Variants in RNF213 observed in about 807,000 individuals in gnomAD.
The protein encoded by RNF213 is ring finger protein 213, also known as E3 ubiquitin-protein ligase RNF213.
RNF213 carries 341 observed loss-of-function variants against 514.4 expected under a neutral mutation model. That is an observed-to-expected ratio of 0.66 (90% confidence interval 0.61 to 0.73). The LOEUF (loss-of-function observed/expected upper bound fraction) is 0.73, where lower values mean the gene tolerates loss of function less well. Among genes scored for constraint, RNF213 ranks in the 30% least tolerant of loss-of-function variants. The pLI, the probability that RNF213 is intolerant of heterozygous loss-of-function variation, is 0.00. For synonymous variants in RNF213, 2,655 were observed against 2,658.2 expected (o/e 1.00, Z 0.04); for missense variants, 5,767 against 6,615.6 (o/e 0.87, Z 4.45).
In RNF213 at chr17:80,343,362, G is replaced by A. The variant is rs1436761393; in HGVS notation, c.6183+37G>A. On this transcript the variant is annotated intron_variant, in intron 27 of 67. Transcript: ENST00000582970. The surrounding 1 kb of genome is among the most constrained non-coding windows in gnomAD (Gnocchi z 4.3). ...CCAGCGTCAGCCGATGGCCACATCAGTAAAGACGTGGTCCCCATGTCTCTG... is the reference window on the plus strand; with the variant it reads ...CCAGCGTCAGCCGATGGCCACATCAATAAAGACGTGGTCCCCATGTCTCTG... The A allele has an allele frequency of 1.9e-6, 3 of 1,562,932 alleles. No individual in the cohort carries two copies. The highest frequency in any genetic ancestry group is 1.8e-6 in the Non-Finnish European group (2 of 1,140,716).
Position 80,363,767 on chromosome 17 carries a change from C to T in RNF213, c.11727C>T (p.Ala3909=). The change falls in exon 41 of 68, where the codon GCC becomes GCT. Residue 3909 remains alanine, a synonymous_variant. Coordinates refer to ENST00000582970, the MANE Select transcript of RNF213 (RefSeq NM_001256071.3). ...ACATGCAAGGCAGCGGGAGCCTGGC[C>T]CAGGCTGTCATCAGGGAAGTCAGGT... is the stretch of plus-strand genomic sequence containing the variant. ...DEHMQGSGSL[A]QAVIREVRAQ... 3 of 1,613,470 alleles carry T rather than the reference C, an allele frequency of 1.9e-6. No homozygotes were observed. Among genetic ancestry groups the T allele is most frequent in the Non-Finnish European group, 2.5e-6 (3 of 1,179,970 alleles).
In RNF213 at chr17:80,336,255, T is replaced by C; in HGVS notation, c.4404T>C (p.Ala1468=). 6.5e-7 allele frequency: 1 copy of C among 1,537,246 alleles called. No homozygotes were observed. The highest frequency in any genetic ancestry group is 1.4e-5 in the African/African-American group (1 of 73,176). The part of the protein sequence containing the change: ...DVDRVACFHD[A]VQGYASLLFK... ...ACCGGGTGGCCTGCTTCCATGACGCTGTGCAGGGCTACGCATCCCTGCTAT... is the reference window on the plus strand; with the variant it reads ...ACCGGGTGGCCTGCTTCCATGACGCCGTGCAGGGCTACGCATCCCTGCTAT... The change falls in exon 23 of 68, where the codon GCT becomes GCC. Residue 1468 remains alanine, a synonymous_variant. Coordinates refer to ENST00000582970, the MANE Select transcript of RNF213 (RefSeq NM_001256071.3).
At chr17:80,282,089 T>C (rs113739240) in intron 3 of RNF213, among the ~76,000 whole-genome samples, 168 of 152,214 alleles carry the variant, frequency 1.1e-3, no homozygotes, top group African/African-American at 3.8e-3. Flanking sequence ...GCTCCTGACC[T>C]CAAGGAATCC....
rs764874640 is a variant in RNF213, at chr17:80,332,399, A to T, written c.3911A>T (p.Asp1304Val). ...KSGEVTLAEIDVIFKDFVNKY... is the reference protein window; with the variant it reads ...KSGEVTLAEIVVIFKDFVNKY... ...GGAGAGGTCACCCTTGCAGAGATTGATGTCATCTTCAAGGACTTTGTGAAT... is the reference window on the plus strand; with the variant it reads ...GGAGAGGTCACCCTTGCAGAGATTGTTGTCATCTTCAAGGACTTTGTGAAT... The change falls in exon 21 of 68, where the codon GAT becomes GTT. Residue 1304 changes from aspartate (D) to valine (V), a missense_variant. Around this residue, in one of 13 missense-constraint regions of RNF213, gnomAD observed 516 missense variants for 566.5 expected, o/e 0.91. Coordinates refer to ENST00000582970, the MANE Select transcript of RNF213 (RefSeq NM_001256071.3). The T allele has an allele frequency of 3.9e-6, 6 of 1,537,182 alleles. No individual in the cohort carries two copies. Among genetic ancestry groups the T allele is most frequent in the Non-Finnish European group, 5.2e-6 (6 of 1,146,902 alleles).
chr17:80,276,250 A>G (rs1328394368), intron 3 of RNF213, among the ~76,000 whole-genome samples: 2 of 151,484 alleles, frequency 1.3e-5, no homozygotes, highest in Non-Finnish European at 2.9e-5. Context: ...ACAGGCATGC[A>G]CCACCATGTC....
intron 67 of RNF213, among the ~76,000 whole-genome samples, chr17:80,392,841 C>A (rs893386921): frequency 1.3e-5 from 2 of 152,146 alleles, no homozygotes; most frequent in Non-Finnish European, 2.9e-5. Context: ...CCACCTGCCT[C>A]AGCCTCCCAA....
intron 62 of RNF213, 105 bp downstream of exon 62, chr17:80,386,535 A>T: frequency 7.0e-7 from 1 of 1,432,100 alleles, no homozygotes; most frequent in Non-Finnish European, 9.7e-7. Context: ...ACAGACACTC[A>T]CTCCTTCAGC....
chr17:80,393,262 T>G, intron 67 of RNF213, 83 bp from the exon 68 acceptor site: 2 of 1,142,004 alleles, frequency 1.8e-6, no homozygotes, highest in Non-Finnish European at 2.5e-6. Context: ...CTTACACACG[T>G]GAGCCACACA....
chr17:80,383,650 A>G, intron 58 of RNF213, 27 bp from the exon 59 acceptor site: 1 of 1,566,950 alleles, frequency 6.4e-7, no homozygotes, highest in South Asian at 1.1e-5. Context: ...CACTTCCAGA[A>G]TTTTTTTTTT....
chr17:80,306,326 T>G lies in RNF213; in HGVS notation c.2285T>G (p.Phe762Cys), dbSNP rs1444891365. The stretch of plus-strand genomic sequence containing the variant: ...GACGAGCCTCTCTTCCGGTCCTGGT[T>G]TAGTCTGCTACCTCTGAGTCACCTG... Reference protein sequence around the residue: ...SIDEPLFRSWFSLLPLSHLVM... With the variant: ...SIDEPLFRSWCSLLPLSHLVM... Residue 762 changes from phenylalanine to cysteine, a missense_variant, in exon 12 of 68, where the codon TTT becomes TGT. Transcript: ENST00000582970. 6.2e-7 allele frequency: 1 copy of G among 1,614,060 alleles called. No homozygotes were observed. Among genetic ancestry groups the G allele is most frequent in the Non-Finnish European group, 8.5e-7 (1 of 1,180,046 alleles).
intron 20 of RNF213, 103 bp from the exon 21 acceptor site, chr17:80,331,903 G>A: frequency 7.4e-7 from 1 of 1,348,846 alleles, no homozygotes; most frequent in Non-Finnish European, 9.9e-7. Flanking sequence ...GTGTGCTCTT[G>A]AGTTCGCTCA....
chr17:80,361,919 G>T, intron 39 of RNF213, 31 bp downstream of exon 39: 4 of 1,604,190 alleles, frequency 2.5e-6, no homozygotes, highest in Non-Finnish European at 3.4e-6. Flanking sequence ...TAAGGGTCAG[G>T]TGTAGAGCTT....
chr17:80,297,564 G>A (rs951990007), intron 10 of RNF213, among the ~76,000 whole-genome samples: 15 of 151,230 alleles, frequency 9.9e-5, no homozygotes, highest in Non-Finnish European at 2.2e-4. Flanking sequence ...GATCAGTCTG[G>A]GAAACAAAAA....
At chr17:80,387,952 G>GA in intron 63 of RNF213, among the ~76,000 whole-genome samples, 1 of 133,626 alleles carries the variant, frequency 7.5e-6, no homozygotes, top group South Asian at 2.5e-4. Flanking sequence ...AGAGCCCATG[G>GA]ATTTTTTTTT....
intron 14 of RNF213, among the ~76,000 whole-genome samples, chr17:80,311,948 G>GT (rs2045587864): frequency 6.6e-6 from 1 of 152,152 alleles, no homozygotes; most frequent in Non-Finnish European, 1.5e-5. Flanking sequence ...CCAACATGGT[G>GT]AAACCCTGTC....
In RNF213 at chr17:80,395,066, G is replaced by A. The variant is rs2077385002; in HGVS notation, c.*1568G>A. On this transcript the variant is annotated 3_prime_UTR_variant, in exon 68 of 68. Transcript: ENST00000582970. ...CTGGCCACACCTCAGCAGGGGGGGA[G>A]TCGAGTGTCAGTCTCTTTCTGTGAA... The A allele has an allele frequency of 6.6e-6, 1 of 152,154 alleles. No homozygotes were observed. The highest frequency in any genetic ancestry group is 1.5e-5 in the Non-Finnish European group (1 of 68,034). The allele number at this position is 152,154 out of a possible 1,614,324, so 9.4% of individuals were successfully genotyped here. A position where few individuals can be genotyped will look rare whatever the true frequency, so the allele number is the denominator to read the frequency against.
rs202178409 is a variant in RNF213, at chr17:80,363,282, C to T, written c.11536C>T (p.Arg3846Cys). Residue 3846 changes from arginine (R) to cysteine (C), a missense_variant, in exon 40 of 68, where the codon CGT (arginine) becomes TGT (cysteine). Arg to Cys is a radical substitution (Grantham distance 180, BLOSUM62 -3). This residue lies in a region of RNF213 where 355 missense variants were observed against 358.0 expected (regional missense o/e 0.99). Transcript: ENST00000582970. ...GGTTCTCCACAGCCTGATGGAAGCC[C>T]GTTGGAACCATGAGCTGGCTGGATG... ...PQVLHSLMEA[R>C]WNHELAGCEM... 32 of 1,613,950 alleles carry T rather than the reference C, an allele frequency of 2.0e-5. No homozygotes were observed. The highest frequency in any genetic ancestry group is 2.5e-5 in the Non-Finnish European group (30 of 1,180,020).
chr17:80,347,460 T>C lies in RNF213; in HGVS notation c.9125T>C (p.Leu3042Ser), dbSNP rs1194762489. Residue 3042 changes from leucine to serine, a missense_variant, in exon 29 of 68, where the codon TTA becomes TCA. Leu to Ser is a moderately radical substitution (Grantham distance 145). Around this residue, in one of 13 missense-constraint regions of RNF213, gnomAD observed 919 missense variants for 1,121.0 expected, o/e 0.82. Coordinates refer to ENST00000582970, the MANE Select transcript of RNF213 (RefSeq NM_001256071.3). This position sits in a 1 kb window ranked among gnomAD's most constrained non-coding sequence, Gnocchi z 7.2. ...GEQEDAESRY[L>S]LVLTKNYVAL... ...CAGGAAGATGCTGAGTCCCGCTACT[T>C]ACTCGTGCTGACCAAAAACTACGTG... 1.2e-6 allele frequency: 2 copies of C among 1,613,952 alleles called. No homozygotes were observed. Among genetic ancestry groups the C allele is most frequent in the Non-Finnish European group, 1.7e-6 (2 of 1,180,040 alleles).
Position 80,396,137 on chromosome 17 carries a change from C to T in RNF213, c.*2639C>T, listed in dbSNP as rs921720197. ...GACTGAAAAAATTAGGTGTGCACAC[C>T]TGTAATCCCAGCTACCTGGGAGGCT... On this transcript the variant is annotated 3_prime_UTR_variant, in exon 68 of 68. Transcript: ENST00000582970. 6.6e-6 allele frequency: 1 copy of T among 152,188 alleles called. No individual in the cohort carries two copies. Among genetic ancestry groups the T allele is most frequent in the African/African-American group, 2.4e-5 (1 of 41,410 alleles). 9.4% of individuals were successfully genotyped at this position (152,188 alleles called of 1,614,324 possible).
Sources: allele counts gnomAD v4.1 joint callset (sites outside exome capture counted in the v4.1 genomes callset), GRCh38; gene constraint gnomAD v4.1.1; regional missense constraint gnomAD v4.1.1; non-coding constraint Gnocchi (gnomAD v3.1); transcripts MANE v1.5; gene names NCBI Gene and HGNC (gene_info 2026-07-23, HGNC 2026-07-21).